The following SNX29 variants were observed in gnomAD, a reference collection of about 807,000 sequenced individuals.
SNX29 encodes the protein sorting nexin 29, also known as sorting nexin-29.
SNX29 carries 78 observed loss-of-function variants against 102.1 expected under a neutral mutation model. The ratio of observed to expected loss-of-function variants is 0.76; its 90% CI spans 0.64 to 0.92. The LOEUF (loss-of-function observed/expected upper bound fraction) is 0.92. Among genes scored for constraint, SNX29 ranks in the 40% least tolerant of loss-of-function variants. The probability of loss-of-function intolerance (pLI) is 0.00; values close to 1 mark genes in which losing one functional copy is unlikely to be tolerated. For synonymous variants in SNX29, 580 were observed against 414.5 expected, an observed-to-expected ratio of 1.40 and a Z score of -4.85; for missense variants, 1,280 against 1,061.7, an observed-to-expected ratio of 1.21 and a Z score of -2.86.
chr16:12,037,992 AC>A (rs1265009696), intron 4 of SNX29, among the ~76,000 whole-genome samples: 4 of 151,680 alleles, frequency 2.6e-5, no homozygotes, highest in East Asian at 3.9e-4. Context: ...ACAAAACAAA[AC>A]AAAAAAAACC....
At position 12,229,411 on chromosome 16, in the gene SNX29, C is replaced by T. The variant is rs148963830; in HGVS notation, c.1678+29728C>T. Among the ~76,000 whole-genome samples the T allele has an allele frequency of 9.8e-5, 15 of 152,296 alleles. No individual in the cohort carries two copies. The East Asian group carries it at 2.7e-3, about 27-fold the overall frequency. On this transcript the variant is annotated intron_variant, in intron 14 of 20. Coordinates refer to ENST00000566228, the MANE Select transcript of SNX29 (RefSeq NM_032167.5). ...CTAACCAATTTCCATGTCGTGTATG[C>T]GGCTAAGCGAAGAAAAAGAGTGGTT...
chr16:12,315,191 C>A (rs1259534122), intron 15 of SNX29, among the ~76,000 whole-genome samples: 2 of 152,114 alleles, frequency 1.3e-5, no homozygotes, highest in Non-Finnish European at 2.9e-5. Context: ...TGGCCAGGTG[C>A]ATTGGACCGG....
At chr16:12,248,069 A>G (rs974842031) in intron 14 of SNX29, among the ~76,000 whole-genome samples, 1 of 151,930 alleles carries the variant, frequency 6.6e-6, no homozygotes, top group Non-Finnish European at 1.5e-5. Context: ...CCCTGCTTTC[A>G]TTCTGGTGAT....
chr16:12,512,653 A>G (rs2089683484), intron 19 of SNX29, among the ~76,000 whole-genome samples: 1 of 151,692 alleles, frequency 6.6e-6, no homozygotes, highest in Non-Finnish European at 1.5e-5. Flanking sequence ...CGGTTGATGG[A>G]TTCTCTCTAC....
rs889657955 is a variant in SNX29 at position 12,030,821 on chromosome 16, T to G, written c.247+3377T>G. Among the ~76,000 whole-genome samples, 13 of 152,328 alleles carry G rather than the reference T, an allele frequency of 8.5e-5. No homozygotes were observed. In the East Asian group the frequency reaches 9.6e-4, roughly 11 times the overall value. ...GTATCTGTCTCTGTTCTACCTCTTA[T>G]GCCGTGCTGTATGCCAGGGCTGACA... On this transcript the variant is annotated intron_variant, in intron 4 of 20. Transcript: ENST00000566228.
chr16:12,058,283 A>G (rs922485341), intron 8 of SNX29, among the ~76,000 whole-genome samples: 15 of 151,996 alleles, frequency 9.9e-5, no homozygotes, highest in East Asian at 7.7e-4. Context: ...TGGGTGGTTT[A>G]TTTTTTCTCT....
At chr16:12,145,612 T>C (rs570699498) in intron 13 of SNX29, among the ~76,000 whole-genome samples, 2 of 152,350 alleles carry the variant, frequency 1.3e-5, no homozygotes, top group South Asian at 4.1e-4. Context: ...ATGAATTTAT[T>C]ATTTATGGGG....
rs117089938 is a variant in SNX29, at chr16:12,216,879, C to T, written c.1678+17196C>T. ...TGTCTTCTCTTCTGCAGTTTGCCCA[C>T]GACACTTTCATGAGGCCACAGCTAG... On this transcript the variant is annotated intron_variant, in intron 14 of 20. Coordinates refer to ENST00000566228, the MANE Select transcript of SNX29 (RefSeq NM_032167.5). 9.1e-4 allele frequency among the ~76,000 whole-genome samples: 139 copies of T among 152,322 alleles called. 1 individual carries two copies. In the East Asian group the frequency reaches 0.017, roughly 18 times the overall value.
At chr16:12,514,890 G>A (rs1209493684) in intron 19 of SNX29, among the ~76,000 whole-genome samples, 1 of 149,874 alleles carries the variant, frequency 6.7e-6, no homozygotes, top group Non-Finnish European at 1.5e-5. Context: ...GAAAGAAAGA[G>A]AGAGAGAGAG....
intron 20 of SNX29, among the ~76,000 whole-genome samples, chr16:12,553,238 CAGAG>C (rs772720423): frequency 1.3e-5 from 2 of 152,254 alleles, no homozygotes; most frequent in South Asian, 2.1e-4. Flanking sequence ...CTTGAGAATA[CAGAG>C]AGAGATTGTA....
intron 19 of SNX29, among the ~76,000 whole-genome samples, chr16:12,490,520 C>G (rs188424928): frequency 6.6e-6 from 1 of 152,302 alleles, no homozygotes; most frequent in Admixed American, 6.5e-5. Context: ...TTCTTACATA[C>G]TTCTTCTGCT....
intron 15 of SNX29, among the ~76,000 whole-genome samples, chr16:12,322,788 G>GAATCACCGAT (rs2080982728): frequency 6.8e-6 from 1 of 147,746 alleles, no homozygotes; most frequent in African/African-American, 2.5e-5. Context: ...AGTCAGTAGG[G>GAATCACCGAT]GGCCACTGTC....
At chr16:12,468,056 T>C (rs1034966953) in intron 18 of SNX29, among the ~76,000 whole-genome samples, 1 of 151,852 alleles carries the variant, frequency 6.6e-6, no homozygotes, top group Admixed American at 6.6e-5. Flanking sequence ...CTGCCCCAGC[T>C]GCCCCAGCCT....
chr16:11,980,311 A>T (rs186547475), intron 1 of SNX29, among the ~76,000 whole-genome samples: 8 of 152,262 alleles, frequency 5.3e-5, no homozygotes, highest in Admixed American at 5.2e-4. Flanking sequence ...AATTTTCCTG[A>T]GGTTAAACCA....
intron 15 of SNX29, among the ~76,000 whole-genome samples, chr16:12,318,324 C>T (rs937389218): frequency 3.9e-5 from 6 of 152,208 alleles, no homozygotes; most frequent in South Asian, 2.1e-4. Context: ...CCTTTGGCAT[C>T]GTGACTCAAA....
rs774822927 is a variant in SNX29 at position 12,356,295 on chromosome 16, A to T, written c.1899+16A>T. ...CCGGGGACCGGTGAGTGTTTCCCCA[A>T]CCCTGTGTGTCTGTCAAGCCTCTGC... On this transcript the variant is annotated intron_variant, in intron 16 of 20. Transcript: ENST00000566228. The T allele has an allele frequency of 1.9e-6, 3 of 1,577,372 alleles. No homozygotes were observed. The highest frequency in any genetic ancestry group is 1.2e-5 in the South Asian group (1 of 86,070).
intron 16 of SNX29, chr16:12,375,858 C>T (rs977453825): frequency 1.3e-5 from 2 of 151,838 alleles, no homozygotes; most frequent in Non-Finnish European, 2.9e-5. Flanking sequence ...ATGGTGAAGC[C>T]CCATCTCTAC....
chr16:12,019,366 C>T (rs112725213), intron 3 of SNX29, among the ~76,000 whole-genome samples: 1,938 of 152,052 alleles, frequency 0.013, 27 homozygotes, highest in South Asian at 0.027. Context: ...CCACCATGCC[C>T]GGCTACTTTT....
chr16:11,999,619 G>A (rs575050482), intron 2 of SNX29, among the ~76,000 whole-genome samples: 70 of 152,238 alleles, frequency 4.6e-4, no homozygotes, highest in Non-Finnish European at 8.7e-4. Flanking sequence ...GAAAGGCACT[G>A]GGCCAGGTGC....
Sources: gnomAD v4.1 joint callset for allele counts (sites outside exome capture counted in the v4.1 genomes callset) on GRCh38, gnomAD v4.1.1 for gene constraint, MANE v1.5 for transcripts, NCBI Gene and HGNC (gene_info 2026-07-23, HGNC 2026-07-21) for gene names.